The following IFT172 variants were observed in gnomAD, a reference collection of about 807,000 sequenced individuals.
IFT172 encodes intraflagellar transport protein 172 homolog.
Under a neutral mutation model 248.9 loss-of-function variants are expected in IFT172, and 164 were observed. The observed-to-expected ratio is 0.66, with a 90% CI of 0.58 to 0.75. The LOEUF (loss-of-function observed/expected upper bound fraction) is 0.75, where lower values mean the gene tolerates loss of function less well. IFT172 is among the 30% of genes least tolerant of loss of function. The pLI, the probability that IFT172 is intolerant of heterozygous loss-of-function variation, is 0.00. For synonymous variants in IFT172, 729 were observed against 791.6 expected (o/e 0.92, Z 1.33); for missense variants, 1,950 against 2,192.4 (o/e 0.89, Z 2.21).
At chr2:27,474,764 C>T (rs1383534085) in intron 14 of IFT172, among the ~76,000 whole-genome samples, 1 of 151,972 alleles carries the variant, frequency 6.6e-6, no homozygotes, top group East Asian at 1.9e-4. Context: ...GTTGGCCAGG[C>T]TGGTCTTGAA....
intron 14 of IFT172, among the ~76,000 whole-genome samples, chr2:27,472,644 A>G (rs1667657413): frequency 6.6e-6 from 1 of 152,192 alleles, no homozygotes; most frequent in South Asian, 2.1e-4. Context: ...CATTAAAGAT[A>G]AGCCTGATAC....
intron 18 of IFT172, among the ~76,000 whole-genome samples, chr2:27,464,453 T>C (rs1341687760): frequency 6.6e-6 from 1 of 152,128 alleles, no homozygotes; most frequent in Non-Finnish European, 1.5e-5. Flanking sequence ...AAGATTTGAA[T>C]TCAAGGAGTC....
Position 27,465,523 on chromosome 2 carries a change from A to C in IFT172, c.1830-5T>G. ...GTCTCTAAGAAGGCTGTTGCCCTGG[A>C]AAGGGAAGGAAGCAAAGCATAATGA... On this transcript the variant is annotated splice_region_variant and splice_polypyrimidine_tract_variant and intron_variant, in intron 17 of 47. Transcript: ENST00000260570. 1 of 1,613,512 alleles carries C rather than the reference A, an allele frequency of 6.2e-7. No individual in the cohort carries two copies. Among genetic ancestry groups the C allele is most frequent in the Non-Finnish European group, 8.5e-7 (1 of 1,179,506 alleles).
chr2:27,452,425 C>T (rs1399256623), intron 35 of IFT172, among the ~76,000 whole-genome samples: 2 of 152,182 alleles, frequency 1.3e-5, no homozygotes, highest in Admixed American at 6.5e-5. Context: ...ACTGCATGAG[C>T]CAATTCCTTT....
rs71401571 is a variant in IFT172, at chr2:27,481,425, TCACA to T, written c.571-169_571-166del. 2.6e-3 allele frequency among the ~76,000 whole-genome samples: 384 copies of T among 145,218 alleles called. 1 individual carries two copies. Among genetic ancestry groups the T allele is most frequent in the South Asian group, 7.1e-3 (32 of 4,538 alleles). The stretch of plus-strand genomic sequence containing the variant: ...CTAATCCTGAACTCTTCACAAATTG[TCACA>T]CACACACACACACACACACACACAT... On this transcript the variant is annotated intron_variant, in intron 7 of 47. Transcript: ENST00000260570.
At chr2:27,459,263 G>C (rs1666433483) in intron 25 of IFT172, 115 bp downstream of exon 25, 5 of 1,336,884 alleles carry the variant, frequency 3.7e-6, no homozygotes, top group Non-Finnish European at 5.1e-6. Context: ...TGATGATGCT[G>C]TTTGGAGCCC....
chr2:27,485,821 G>T (rs1668731672), intron 1 of IFT172, among the ~76,000 whole-genome samples: 1 of 152,222 alleles, frequency 6.6e-6, no homozygotes, highest in South Asian at 2.1e-4. Context: ...AGTCTGGTAA[G>T]TTTTGGTCAT....
chr2:27,445,037 T>C lies in IFT172; in HGVS notation c.5137A>G (p.Asn1713Asp), dbSNP rs770335799. 4 of 1,614,134 alleles carry C rather than the reference T, an allele frequency of 2.5e-6. No individual in the cohort carries two copies. The Admixed American group carries it at 6.7e-5, about 27-fold the overall frequency. Residue 1713 changes from asparagine (N) to aspartate (D), a missense_variant, in exon 47 of 48, where the codon AAT becomes GAT. Physicochemically the swap from Asn to Asp is conservative, Grantham distance 23. Around this residue, in one of 3 missense-constraint regions of IFT172, gnomAD observed 620 missense variants for 699.0 expected, o/e 0.89. Coordinates refer to ENST00000260570, the MANE Select transcript of IFT172 (RefSeq NM_015662.3). The surrounding 1 kb of genome is among the most constrained non-coding windows in gnomAD (Gnocchi z 4.4). ...ACCTTGATGGCCATAAGGAATTTAT[T>C]CCAGTTGTCCTTGTTAGCAGCCTTC... Reference protein sequence around the residue: ...PGKAANKDNWNKFLMAIKTSH... With the variant: ...PGKAANKDNWDKFLMAIKTSH...
chr2:27,454,099 A>G lies in IFT172; in HGVS notation c.3594T>C (p.Ser1198=), dbSNP rs775374622. ...QRVAEAHDPD[S]VAEVLVGQAR... is the part of the protein sequence containing the mutation. ...CCTGTCCCACAAGCACCTCGGCGAC[A>G]CTGTCAGGGTCGTGAGCCTCAGCCA... Residue 1198 remains serine (S), a synonymous_variant, in exon 33 of 48, where the codon AGT becomes AGC. Coordinates refer to ENST00000260570, the MANE Select transcript of IFT172 (RefSeq NM_015662.3). The surrounding 1 kb of genome is among the most constrained non-coding windows in gnomAD (Gnocchi z 4.2). The G allele has an allele frequency of 1.3e-4, 202 of 1,613,982 alleles. 4 individuals are homozygous for G. In the South Asian group the frequency reaches 2.1e-3, roughly 17 times the overall value.
At chr2:27,464,429 T>G (rs190284397) in intron 18 of IFT172, among the ~76,000 whole-genome samples, 2 of 152,268 alleles carry the variant, frequency 1.3e-5, no homozygotes, top group South Asian at 2.1e-4. Context: ...TTATATAAGT[T>G]GGTAATTGGA....
chr2:27,462,595 T>C (rs574756300), intron 20 of IFT172, 106 bp downstream of exon 20: 6 of 959,694 alleles, frequency 6.3e-6, no homozygotes, highest in Admixed American at 6.0e-5. Context: ...CCCAAACCTT[T>C]GGAAGCCTAG....
chr2:27,466,033 T>C, intron 16 of IFT172, 151 bp from the exon 17 acceptor site: 2 of 853,016 alleles, frequency 2.3e-6, no homozygotes, highest in Non-Finnish European at 1.9e-6. Context: ...CTCTCAAGCA[T>C]AAAAAAATAC....
rs530856087 is a variant in IFT172 at position 27,484,370 on chromosome 2, T to A, written c.297-104A>T. The A allele has an allele frequency of 1.6e-5, 19 of 1,164,270 alleles. No individual in the cohort carries two copies. The East Asian group carries it at 5.2e-4, about 32-fold the overall frequency. 72.1% of individuals were successfully genotyped at this position (1,164,270 alleles called of 1,614,324 possible). On this transcript the variant is annotated intron_variant, in intron 3 of 47. Transcript: ENST00000260570. ...ACTTTGGGAGGCCGAGGCGGGAGGA[T>A]CATGAGGTCAGGAGATCGAGACCAT...
At chr2:27,462,829 G>C in intron 19 of IFT172, 36 bp from the exon 20 acceptor site, 1 of 1,594,752 alleles carries the variant, frequency 6.3e-7, no homozygotes, top group Non-Finnish European at 8.6e-7. Flanking sequence ...TTTTTCTGTA[G>C]GTGCTGCCAT....
chr2:27,477,464 G>C, intron 12 of IFT172, 95 bp downstream of exon 12: 1 of 1,213,706 alleles, frequency 8.2e-7, no homozygotes, highest in Non-Finnish European at 1.2e-6. Context: ...TTCTTTATCT[G>C]CTGTTTCCCT....
chr2:27,447,456 T>G, intron 42 of IFT172, 59 bp downstream of exon 42: 2 of 1,590,556 alleles, frequency 1.3e-6, no homozygotes, highest in Admixed American at 3.5e-5. Flanking sequence ...CAATTCAGCT[T>G]TATACATTTG....
intron 16 of IFT172, among the ~76,000 whole-genome samples, chr2:27,469,906 AGGGGAGG>A (rs1485787336): frequency 6.6e-6 from 1 of 152,204 alleles, no homozygotes; most frequent in Non-Finnish European, 1.5e-5. Flanking sequence ...ACAATGACAA[AGGGGAGG>A]AGATGAAAGT....
chr2:27,461,843 G>A lies in IFT172; in HGVS notation c.2116-7C>T. The stretch of plus-strand genomic sequence containing the variant: ...TGGCCTCCTCCACAGCATTCTAGGG[G>A]AAACAGGCAGAGCAGAGAGGGACAC... On this transcript the variant is annotated splice_region_variant and splice_polypyrimidine_tract_variant and intron_variant, in intron 20 of 47. Coordinates refer to ENST00000260570, the MANE Select transcript of IFT172 (RefSeq NM_015662.3). 1 of 1,614,108 alleles carries A rather than the reference G, an allele frequency of 6.2e-7. No homozygotes were observed. The highest frequency in any genetic ancestry group is 8.5e-7 in the Non-Finnish European group (1 of 1,180,010).
rs1045078368 is a variant in IFT172, at chr2:27,454,283, C to G, written c.3530+71G>C. On this transcript the variant is annotated intron_variant, in intron 32 of 47. Coordinates refer to ENST00000260570, the MANE Select transcript of IFT172 (RefSeq NM_015662.3). The surrounding 1 kb of genome is among the most constrained non-coding windows in gnomAD (Gnocchi z 4.2). ...ATTTGTTCTAGGTTTGAATGAAGGT[C>G]AAGATAATCATGAAAGATCCTGGGA... The G allele has an allele frequency of 1.2e-6, 2 of 1,608,748 alleles. No homozygotes were observed. The highest frequency in any genetic ancestry group is 2.7e-5 in the African/African-American group (2 of 74,812).
Sources: gnomAD v4.1 joint callset for allele counts (sites outside exome capture counted in the v4.1 genomes callset) on GRCh38, gnomAD v4.1.1 for gene constraint, gnomAD v4.1.1 regional missense constraint, Gnocchi (gnomAD v3.1) non-coding constraint, MANE v1.5 for transcripts, NCBI Gene and HGNC (gene_info 2026-07-23, HGNC 2026-07-21) for gene names.